INVS: variants seen among roughly 807,000 people sequenced by gnomAD.
INVS encodes inversion of embryo turning homolog.
In INVS, 86 loss-of-function variants were observed where a neutral mutation model predicts 108.8. The ratio of observed to expected loss-of-function variants is 0.79; its 90% CI spans 0.66 to 0.95. The LOEUF (loss-of-function observed/expected upper bound fraction) is 0.95. Among genes scored for constraint, INVS ranks in the 40% least tolerant of loss-of-function variants. The pLI, the probability that INVS is intolerant of heterozygous loss-of-function variation, is 0.00. For missense variants in INVS, 1,169 were observed against 1,297.4 expected, an observed-to-expected ratio of 0.90 and a Z score of 1.52; for synonymous variants, 455 against 473.5, an observed-to-expected ratio of 0.96 and a Z score of 0.51.
intron 1 of INVS, 44 bp downstream of exon 1, chr9:100,099,460 T>A (rs1393757165): frequency 2.6e-5 from 4 of 152,792 alleles, no homozygotes; most frequent in African/African-American, 9.7e-5. Flanking sequence ...GATCATTCGG[T>A]CCGCACCGCC....
At chr9:100,192,928 C>A (rs1251633866) in intron 3 of INVS, among the ~76,000 whole-genome samples, 1 of 151,108 alleles carries the variant, frequency 6.6e-6, no homozygotes, top group African/African-American at 2.4e-5. Context: ...AAGACACTAA[C>A]CAAAGTTTTT....
chr9:100,246,588 C>G, intron 7 of INVS, 28 bp from the exon 8 acceptor site: 1 of 1,566,678 alleles, frequency 6.4e-7, no homozygotes, highest in Non-Finnish European at 8.8e-7. Flanking sequence ...TGTTTTGTCT[C>G]CATTTTTTAA....
At chr9:100,134,289 A>C (rs1828152683) in intron 3 of INVS, among the ~76,000 whole-genome samples, 1 of 152,208 alleles carries the variant, frequency 6.6e-6, no homozygotes, top group Admixed American at 6.5e-5. Flanking sequence ...TTTAAGGCTG[A>C]GTAGTATTCC....
intron 14 of INVS, among the ~76,000 whole-genome samples, chr9:100,293,320 A>G (rs985174823): frequency 2.6e-5 from 4 of 152,178 alleles, no homozygotes; most frequent in South Asian, 2.1e-4. Flanking sequence ...TGTGAGGTTC[A>G]GGTAAGCTCT....
rs1491261505 is a variant in INVS, at chr9:100,100,903, GTA to G, written c.-25+1495_-25+1496del. On this transcript the variant is annotated intron_variant, in intron 1 of 16. Coordinates refer to ENST00000262457, the MANE Select transcript of INVS (RefSeq NM_014425.5). Reference sequence around the variant, plus strand: ...TGTATATATAATATATATTATATATGTATATATATTATATGTATATATATAAT... The same window carrying G: ...TGTATATATAATATATATTATATATGTATATATTATATGTATATATATAAT... 1.3e-3 allele frequency among the ~76,000 whole-genome samples: 47 copies of G among 36,258 alleles called. 1 individual carries two copies. The highest frequency in any genetic ancestry group is 1.7e-3 in the Non-Finnish European group (39 of 22,838). 23.8% of individuals were successfully genotyped at this position (36,258 alleles called of 152,430 possible). A position where few individuals can be genotyped will look rare whatever the true frequency, so the allele number is the denominator to read the frequency against.
chr9:100,102,351 T>G (rs1222533114), intron 1 of INVS, among the ~76,000 whole-genome samples: 1 of 152,154 alleles, frequency 6.6e-6, no homozygotes, highest in Non-Finnish European at 1.5e-5. Context: ...TAAAAGGTTC[T>G]TACAAGCTCC....
At chr9:100,265,025 C>T in intron 11 of INVS, 97 bp downstream of exon 11, 2 of 774,608 alleles carry the variant, frequency 2.6e-6, no homozygotes, top group Non-Finnish European at 4.5e-6. Flanking sequence ...TCACTGCAAC[C>T]TTCGCCTCCT....
chr9:100,152,330 G>A (rs955827985), intron 3 of INVS, among the ~76,000 whole-genome samples: 96 of 151,918 alleles, frequency 6.3e-4, no homozygotes, highest in Non-Finnish European at 1.3e-3. Context: ...TTCTTGAGTC[G>A]GCCATTCAGT....
chr9:100,221,459 T>A (rs914141663), intron 3 of INVS, among the ~76,000 whole-genome samples: 4 of 152,152 alleles, frequency 2.6e-5, no homozygotes, highest in Non-Finnish European at 5.9e-5. Context: ...TGAGCCACTG[T>A]GCCCAGCCAG....
At chr9:100,161,388 A>AAAAAAC (rs1564138793) in intron 3 of INVS, among the ~76,000 whole-genome samples, 9 of 139,046 alleles carry the variant, frequency 6.5e-5, no homozygotes, top group African/African-American at 2.6e-4. Context: ...AAAAAAAAAA[A>AAAAAAC]AAAACCTCAT....
At chr9:100,135,626 C>T (rs1372560324) in intron 3 of INVS, among the ~76,000 whole-genome samples, 1 of 152,064 alleles carries the variant, frequency 6.6e-6, no homozygotes, top group African/African-American at 2.4e-5. Context: ...ACTGGTATTC[C>T]TAGCTCTTGA....
rs553902592 is a variant in INVS at position 100,300,757 on chromosome 9, C to T, written c.*83C>T. On this transcript the variant is annotated 3_prime_UTR_variant, in exon 17 of 17. Coordinates refer to ENST00000262457, the MANE Select transcript of INVS (RefSeq NM_014425.5). ...ATTTTCTGCTGATAATCTTTTACAC[C>T]TTGGGAAAACTTTAATATCCGTACC... 2.1e-5 allele frequency: 20 copies of T among 940,364 alleles called. No homozygotes were observed. In the East Asian group the frequency reaches 4.8e-4, roughly 23 times the overall value. 58.3% of individuals were successfully genotyped at this position (940,364 alleles called of 1,614,324 possible).
At chr9:100,200,849 T>C (rs954676040) in intron 3 of INVS, among the ~76,000 whole-genome samples, 13 of 152,220 alleles carry the variant, frequency 8.5e-5, no homozygotes, top group African/African-American at 2.7e-4. Flanking sequence ...TTTAATCTTA[T>C]TTACCACATC....
chr9:100,117,582 C>T, intron 2 of INVS: 3 of 856,006 alleles, frequency 3.5e-6, no homozygotes, highest in Non-Finnish European at 5.5e-6. Context: ...TTCCCCATCC[C>T]AGGGCCACCA....
At position 100,242,657 on chromosome 9, in the gene INVS, A is replaced by G; in HGVS notation, c.884A>G (p.Tyr295Cys). 1.9e-6 allele frequency: 3 copies of G among 1,604,864 alleles called. No individual in the cohort carries two copies. Among genetic ancestry groups the G allele is most frequent in the Non-Finnish European group, 8.5e-7 (1 of 1,171,646 alleles). ...SDSQGATPLH[Y>C]AAQSNFAETV... ...AGCCAAGGAGCCACACCTTTGCACT[A>G]TGCTGCTCAGAGTAACTTTGCTGTA... Residue 295 changes from tyrosine to cysteine, a missense_variant, in exon 7 of 17, where the codon TAT becomes TGT. This residue lies in a region of INVS where 365 missense variants were observed against 397.5 expected (regional missense o/e 0.92). Coordinates refer to ENST00000262457, the MANE Select transcript of INVS (RefSeq NM_014425.5).
chr9:100,235,960 G>A (rs1831676581), intron 5 of INVS, among the ~76,000 whole-genome samples: 1 of 152,132 alleles, frequency 6.6e-6, no homozygotes, highest in Non-Finnish European at 1.5e-5. Flanking sequence ...CCTGAAGTGT[G>A]TTTTCCAACT....
At chr9:100,100,965 A>ATATAAT (rs1491241404) in intron 1 of INVS, among the ~76,000 whole-genome samples, 1 of 14,382 alleles carries the variant, frequency 7.0e-5, no homozygotes, top group African/African-American at 2.6e-4. Context: ...TTATATATAT[A>ATATAAT]ATATATATTA....
intron 3 of INVS, among the ~76,000 whole-genome samples, chr9:100,159,225 G>T (rs532054166): frequency 6.6e-6 from 1 of 152,344 alleles, no homozygotes; most frequent in South Asian, 2.1e-4. Context: ...GGTATGGAAA[G>T]ATAGAGGAAG....
In INVS at chr9:100,300,569, G is replaced by A. The variant is rs1260508764; in HGVS notation, c.3093G>A (p.Val1031=). 1.9e-6 allele frequency: 3 copies of A among 1,600,716 alleles called. No individual in the cohort carries two copies. Among genetic ancestry groups the A allele is most frequent in the Non-Finnish European group, 2.6e-6 (3 of 1,167,936 alleles). The part of the protein sequence containing the change: ...KASSVLRLNS[V]SNLQCIHLLE... Reference sequence around the variant, plus strand: ...CTATCTGGTATTTGTTTTTAACAGTGAGCAACCTACAGTGTATACATCTCC... The same window carrying A: ...CTATCTGGTATTTGTTTTTAACAGTAAGCAACCTACAGTGTATACATCTCC... The change falls in exon 17 of 17, where the codon GTG becomes GTA. Residue 1031 remains valine, a splice_region_variant and synonymous_variant. Coordinates refer to ENST00000262457, the MANE Select transcript of INVS (RefSeq NM_014425.5).
Sources: gnomAD v4.1 joint callset for allele counts (sites outside exome capture counted in the v4.1 genomes callset) on GRCh38, gnomAD v4.1.1 for gene constraint, gnomAD v4.1.1 regional missense constraint, MANE v1.5 for transcripts, NCBI Gene and HGNC (gene_info 2026-07-23, HGNC 2026-07-21) for gene names.